Variants in ARHGAP44 observed in about 807,000 individuals in gnomAD.
The protein encoded by ARHGAP44 is rho GTPase-activating protein 44.
Under a neutral mutation model 106.8 loss-of-function variants are expected in ARHGAP44, and 43 were observed. The observed-to-expected ratio is 0.40, with a 90% CI of 0.32 to 0.52. The LOEUF is 0.52. Ranked by LOEUF, ARHGAP44 falls within the 20% of genes least tolerant of loss-of-function variation. The pLI is 0.48. For synonymous variants in ARHGAP44, 439 were observed against 410.3 expected, an observed-to-expected ratio of 1.07 and a Z score of -0.85; for missense variants, 866 against 1,050.5, an observed-to-expected ratio of 0.82 and a Z score of 2.43.
chr17:12,936,202 CATT>C lies in ARHGAP44; in HGVS notation c.583-4853_583-4851del, dbSNP rs575737592. Among the ~76,000 whole-genome samples the C allele has an allele frequency of 8.5e-4, 130 of 152,300 alleles. 1 individual carries two copies. Among genetic ancestry groups the C allele is most frequent in the South Asian group, 1.2e-3 (6 of 4,824 alleles). ...AATTGATGAACCTGTATTGGTGCAT[CATT>C]GTCTTCCATAGTTCATAGTCTACTT... is the stretch of plus-strand genomic sequence containing the variant. On this transcript the variant is annotated intron_variant, in intron 7 of 20. Transcript: ENST00000379672.
At chr17:12,879,716 TAAA>T (rs1361307548) in intron 1 of ARHGAP44, among the ~76,000 whole-genome samples, 2 of 141,550 alleles carry the variant, frequency 1.4e-5, no homozygotes, top group African/African-American at 5.1e-5. Flanking sequence ...CACACACAGT[TAAA>T]AAATATATAT....
chr17:12,973,717 A>C, intron 17 of ARHGAP44: 1 of 474,100 alleles, frequency 2.1e-6, no homozygotes, highest in South Asian at 2.9e-5. Flanking sequence ...CCCCCCAGTT[A>C]GGCCACACAC....
At chr17:12,867,926 A>G (rs547305749) in intron 1 of ARHGAP44, among the ~76,000 whole-genome samples, 14 of 152,282 alleles carry the variant, frequency 9.2e-5, no homozygotes, top group Non-Finnish European at 1.9e-4. Context: ...TTCCTACTCT[A>G]TTCTACAGCT....
At chr17:12,923,459 C>A (rs1024986815) in intron 6 of ARHGAP44, among the ~76,000 whole-genome samples, 1 of 152,134 alleles carries the variant, frequency 6.6e-6, no homozygotes, top group South Asian at 2.1e-4. Context: ...CAGGTAGATC[C>A]GTCTGCCTCA....
At chr17:12,808,045 C>T (rs954606994) in intron 1 of ARHGAP44, among the ~76,000 whole-genome samples, 1 of 152,214 alleles carries the variant, frequency 6.6e-6, no homozygotes, top group African/African-American at 2.4e-5. Flanking sequence ...TCCAGTAGGG[C>T]AGTTATTAAA....
intron 7 of ARHGAP44, among the ~76,000 whole-genome samples, chr17:12,938,467 G>A (rs1233212056): frequency 2.0e-5 from 3 of 151,310 alleles, no homozygotes; most frequent in Non-Finnish European, 4.4e-5. Flanking sequence ...AGACATTCCA[G>A]CATGAAGAAA....
At chr17:12,923,844 C>T (rs2038158500) in intron 6 of ARHGAP44, among the ~76,000 whole-genome samples, 1 of 152,106 alleles carries the variant, frequency 6.6e-6, no homozygotes, top group Non-Finnish European at 1.5e-5. Context: ...GGTCTGCATC[C>T]CAAGATATAG....
At chr17:12,970,623 A>G (rs532843000) in intron 16 of ARHGAP44, among the ~76,000 whole-genome samples, 61 of 152,306 alleles carry the variant, frequency 4.0e-4, no homozygotes, top group Non-Finnish European at 7.9e-4. Flanking sequence ...TTTGCCATCT[A>G]GATTGTCCTT....
At chr17:12,801,811 T>C (rs950654869) in intron 1 of ARHGAP44, among the ~76,000 whole-genome samples, 1 of 152,174 alleles carries the variant, frequency 6.6e-6, no homozygotes, top group Admixed American at 6.5e-5. Context: ...GGCAGGATTA[T>C]GAGTGATTTG....
At chr17:12,816,604 G>A (rs949254539) in intron 1 of ARHGAP44, among the ~76,000 whole-genome samples, 2 of 152,122 alleles carry the variant, frequency 1.3e-5, no homozygotes, top group African/African-American at 4.8e-5. Flanking sequence ...AAAGAAAGGT[G>A]GGGTGTATTT....
At chr17:12,966,185 A>G (rs926122175) in intron 16 of ARHGAP44, among the ~76,000 whole-genome samples, 2 of 151,702 alleles carry the variant, frequency 1.3e-5, no homozygotes, top group African/African-American at 4.8e-5. Flanking sequence ...CTTGAAAGAG[A>G]TTATGTCATG....
chr17:12,880,560 G>A (rs1305977788), intron 1 of ARHGAP44, among the ~76,000 whole-genome samples: 1 of 151,658 alleles, frequency 6.6e-6, no homozygotes, highest in Non-Finnish European at 1.5e-5. Flanking sequence ...TGTTGTTTGG[G>A]TAAACTTTAT....
intron 1 of ARHGAP44, among the ~76,000 whole-genome samples, chr17:12,793,713 A>G (rs111521994): frequency 1.6e-4 from 24 of 147,816 alleles, no homozygotes; most frequent in Non-Finnish European, 2.4e-4. Context: ...ATCTCACACA[A>G]AAAAAAAAAA....
intron 1 of ARHGAP44, among the ~76,000 whole-genome samples, chr17:12,802,283 AGG>A (rs1385495263): frequency 6.6e-6 from 1 of 152,106 alleles, no homozygotes; most frequent in African/African-American, 2.4e-5. Context: ...TTAGCAAAAA[AGG>A]AGTTTTGGGA....
At chr17:12,926,465 TAA>T (rs1054533894) in intron 6 of ARHGAP44, among the ~76,000 whole-genome samples, 6 of 107,986 alleles carry the variant, frequency 5.6e-5, no homozygotes, top group African/African-American at 1.0e-4. Context: ...TATACATATA[TAA>T]TATATATAAT....
At chr17:12,944,992 T>C (rs1041484000) in intron 10 of ARHGAP44, among the ~76,000 whole-genome samples, 1 of 152,020 alleles carries the variant, frequency 6.6e-6, no homozygotes, top group African/African-American at 2.4e-5. Flanking sequence ...GAGCCACATG[T>C]AAAAAATGTC....
At chr17:12,879,128 C>T (rs535773237) in intron 1 of ARHGAP44, among the ~76,000 whole-genome samples, 1 of 152,258 alleles carries the variant, frequency 6.6e-6, no homozygotes, top group Admixed American at 6.5e-5. Context: ...TTATTTCTCA[C>T]CTGCCTCTCA....
chr17:12,911,985 A>G (rs2037751057), intron 4 of ARHGAP44, among the ~76,000 whole-genome samples: 1 of 152,242 alleles, frequency 6.6e-6, no homozygotes, highest in Non-Finnish European at 1.5e-5. Context: ...GTCTTTCTAC[A>G]GATGAATTCA....
At chr17:12,918,066 G>A (rs774062703) in intron 5 of ARHGAP44, among the ~76,000 whole-genome samples, 7 of 152,160 alleles carry the variant, frequency 4.6e-5, no homozygotes, top group Admixed American at 6.5e-5. Context: ...TCATCTCCTC[G>A]CTTGGAGCAT....
Sources: gnomAD v4.1 joint callset for allele counts (sites outside exome capture counted in the v4.1 genomes callset) on GRCh38, gnomAD v4.1.1 for gene constraint, MANE v1.5 for transcripts, NCBI Gene and HGNC (gene_info 2026-07-23, HGNC 2026-07-21) for gene names.